Variants in DCC observed in about 807,000 individuals in gnomAD.
DCC encodes DCC netrin 1 receptor, also known as netrin receptor DCC.
In DCC, 58 loss-of-function variants were observed where a neutral mutation model predicts 172.5. The ratio of observed to expected loss-of-function variants is 0.34; its 90% CI spans 0.27 to 0.42. DCC has a LOEUF of 0.42. Ranked by LOEUF, DCC falls within the 10% of genes least tolerant of loss-of-function variation. The pLI, the probability that DCC is intolerant of heterozygous loss-of-function variation, is 1.00. For missense variants in DCC, 1,740 were observed against 1,791.0 expected, an observed-to-expected ratio of 0.97 and a Z score of 0.51; for synonymous variants, 709 against 644.5, an observed-to-expected ratio of 1.10 and a Z score of -1.52.
chr18:52,529,885 T>C (rs2032096589), intron 1 of DCC, among the ~76,000 whole-genome samples: 1 of 152,180 alleles, frequency 6.6e-6, no homozygotes, highest in African/African-American at 2.4e-5. Flanking sequence ...AAGAAATGCA[T>C]CTACTTCCTT....
intron 1 of DCC, among the ~76,000 whole-genome samples, chr18:52,359,539 C>G (rs1984527334): frequency 6.6e-6 from 1 of 152,066 alleles, no homozygotes; most frequent in Non-Finnish European, 1.5e-5. Flanking sequence ...AATTACCACC[C>G]CCTTCCTCCT....
chr18:52,704,432 C>T (rs1351957699), intron 1 of DCC, among the ~76,000 whole-genome samples: 1 of 152,082 alleles, frequency 6.6e-6, no homozygotes, highest in African/African-American at 2.4e-5. Flanking sequence ...TTTTTGCACA[C>T]ATGGTAATTT....
intron 1 of DCC, among the ~76,000 whole-genome samples, chr18:52,551,205 G>A (rs1219285566): frequency 6.6e-6 from 1 of 151,960 alleles, no homozygotes; most frequent in Non-Finnish European, 1.5e-5. Context: ...GGACATAATG[G>A]GCACTTGGCA....
intron 9 of DCC, among the ~76,000 whole-genome samples, chr18:53,186,480 G>A (rs2055284229): frequency 6.6e-6 from 1 of 152,318 alleles, no homozygotes; most frequent in South Asian, 2.1e-4. Flanking sequence ...CCAAGGACAT[G>A]AGCTGAGCTG....
At chr18:53,002,309 AT>A (rs1370155233) in intron 5 of DCC, among the ~76,000 whole-genome samples, 8 of 152,166 alleles carry the variant, frequency 5.3e-5, no homozygotes, top group Non-Finnish European at 1.2e-4. Flanking sequence ...GAAATGTCAA[AT>A]TTCAAAATAA....
At chr18:52,422,554 A>C (rs1342664252) in intron 1 of DCC, among the ~76,000 whole-genome samples, 1 of 152,190 alleles carries the variant, frequency 6.6e-6, no homozygotes, top group Non-Finnish European at 1.5e-5. Context: ...AACTACAATG[A>C]ATGTGCCTAG....
chr18:53,157,486 C>A lies in DCC; in HGVS notation c.1392C>A (p.Val464=). ...EAKGNIQTFT[V]FFSREGDNRE... ...AAGGGAACATTCAAACTTTCACGGT[C>A]TTTTTCTCCAGAGAAGGTGACAACA... Residue 464 remains valine, a synonymous_variant, in exon 8 of 29, where the codon GTC becomes GTA. Transcript: ENST00000442544. 6.2e-7 allele frequency: 1 copy of A among 1,614,110 alleles called. No individual in the cohort carries two copies. The highest frequency in any genetic ancestry group is 2.2e-5 in the East Asian group (1 of 44,862).
chr18:53,039,848 C>A (rs2042145160), intron 5 of DCC, among the ~76,000 whole-genome samples: 1 of 151,960 alleles, frequency 6.6e-6, no homozygotes, highest in Non-Finnish European at 1.5e-5. Context: ...TAGCAATGAT[C>A]ACACCATATA....
chr18:52,962,980 AGCATTT>A (rs1297330618), intron 5 of DCC, among the ~76,000 whole-genome samples: 1 of 151,060 alleles, frequency 6.6e-6, no homozygotes, highest in East Asian at 1.9e-4. Context: ...GGGGAAGGAT[AGCATTT>A]GGAGATATAC....
chr18:52,797,681 G>T (rs189968627), intron 2 of DCC, among the ~76,000 whole-genome samples: 65 of 152,300 alleles, frequency 4.3e-4, no homozygotes, highest in Non-Finnish European at 7.8e-4. Context: ...TGGATGGTGT[G>T]TGCAGGCACC....
At chr18:52,479,850 T>G (rs2029886103) in intron 1 of DCC, among the ~76,000 whole-genome samples, 1 of 152,128 alleles carries the variant, frequency 6.6e-6, no homozygotes, top group Admixed American at 6.6e-5. Flanking sequence ...TTCTGAGCTC[T>G]GTTTTAACCA....
At chr18:53,507,406 CTG>C (rs1378100915) in intron 27 of DCC, among the ~76,000 whole-genome samples, 51 of 152,332 alleles carry the variant, frequency 3.3e-4, no homozygotes, top group East Asian at 1.9e-4. Flanking sequence ...ACCTAAAAGA[CTG>C]TGTGAAAAAC....
At chr18:52,398,257 G>C (rs995119621) in intron 1 of DCC, among the ~76,000 whole-genome samples, 2 of 151,964 alleles carry the variant, frequency 1.3e-5, no homozygotes, top group Non-Finnish European at 2.9e-5. Flanking sequence ...AAATAAGCCT[G>C]ATAGTTGGAT....
chr18:53,475,898 G>A (rs193055436), intron 25 of DCC, among the ~76,000 whole-genome samples: 1 of 152,246 alleles, frequency 6.6e-6, no homozygotes. Context: ...TAGAAGGGAG[G>A]ATGTACCCTG....
At chr18:52,570,924 G>T (rs1165881649) in intron 1 of DCC, among the ~76,000 whole-genome samples, 1 of 152,016 alleles carries the variant, frequency 6.6e-6, no homozygotes, top group Admixed American at 6.6e-5. Context: ...AGTTTTTCTA[G>T]CTGGCTGTGT....
chr18:52,654,856 A>G (rs757470427), intron 1 of DCC, among the ~76,000 whole-genome samples: 2 of 152,128 alleles, frequency 1.3e-5, no homozygotes, highest in Non-Finnish European at 2.9e-5. Context: ...TAACTTGAAA[A>G]TGCTCCATGT....
chr18:53,500,637 T>A (rs1019755420), intron 27 of DCC, among the ~76,000 whole-genome samples: 2 of 151,762 alleles, frequency 1.3e-5, no homozygotes, highest in Non-Finnish European at 2.9e-5. Context: ...ACACATCACC[T>A]CTGATGTTCT....
rs185638897 is a variant in DCC, at chr18:53,400,604, A to G, written c.2828-2182A>G. ...AATTGTGAGGGCCATATTATTTTTC[A>G]AATATTAAGGAACAGTGTGCAGTTC... On this transcript the variant is annotated intron_variant, in intron 18 of 28. Transcript: ENST00000442544. Among the ~76,000 whole-genome samples the G allele has an allele frequency of 2.6e-5, 4 of 152,258 alleles. No homozygotes were observed. In the East Asian group the frequency reaches 7.7e-4, roughly 29 times the overall value.
At chr18:53,467,813 G>A (rs766375828) in intron 24 of DCC, 81 bp from the exon 25 acceptor site, 16 of 789,420 alleles carry the variant, frequency 2.0e-5, no homozygotes, top group Non-Finnish European at 3.3e-5. Flanking sequence ...GACTGAAAAG[G>A]CATTGGAATG....
Sources: allele counts gnomAD v4.1 joint callset (sites outside exome capture counted in the v4.1 genomes callset), GRCh38; gene constraint gnomAD v4.1.1; transcripts MANE v1.5; gene names NCBI Gene and HGNC (gene_info 2026-07-23, HGNC 2026-07-21).